Variants in GPR78 observed in about 807,000 individuals in gnomAD.
The protein encoded by GPR78 is G protein-coupled receptor 78.
In GPR78, 29 loss-of-function variants were observed where a neutral mutation model predicts 17.9. That is an observed-to-expected ratio of 1.62 (90% CI 1.20 to 2.21). The LOEUF is 2.21. GPR78 is among the 30% of genes most tolerant of loss of function. The probability of loss-of-function intolerance (pLI) is 0.00; values close to 1 mark genes in which losing one functional copy is unlikely to be tolerated. For synonymous variants in GPR78, 349 were observed against 256.9 expected (o/e 1.36, Z -3.43); for missense variants, 649 against 530.5 (o/e 1.22, Z -2.19).
chr4:8,585,456 T>C (rs73213329), intron 2 of GPR78, among the ~76,000 whole-genome samples: 12,378 of 152,192 alleles, frequency 0.081, 713 homozygotes, highest in Non-Finnish European at 0.12. Context: ...CTCAGATCCT[T>C]CGATAGGACC....
intron 2 of GPR78, among the ~76,000 whole-genome samples, chr4:8,584,820 G>A (rs1463475874): frequency 6.6e-6 from 1 of 152,226 alleles, no homozygotes; most frequent in African/African-American, 2.4e-5. Context: ...TGTTGTCCCT[G>A]CTGCCCCTTA....
chr4:8,580,779 G>A lies in GPR78; in HGVS notation c.-204G>A. ...GGCGGCCCCGGGCTGCTCCTGCTCC[G>A]CAGAGCTACGCCCTCCCCCCGGGTG... On this transcript the variant is annotated 5_prime_UTR_variant, in exon 1 of 3. Coordinates refer to ENST00000382487, the MANE Select transcript of GPR78 (RefSeq NM_080819.5). The A allele has an allele frequency of 3.4e-6, 2 of 592,144 alleles. No homozygotes were observed. The highest frequency in any genetic ancestry group is 5.8e-6 in the Non-Finnish European group (2 of 344,882). The allele number at this position is 592,144 out of a possible 1,614,324, so 36.7% of individuals were successfully genotyped here. A position where few individuals can be genotyped will look rare whatever the true frequency, so the allele number is the denominator to read the frequency against.
chr4:8,582,864 C>G (rs1476355347), intron 2 of GPR78: 1 of 525,690 alleles, frequency 1.9e-6, no homozygotes, highest in Non-Finnish European at 3.4e-6. Flanking sequence ...AATGAGGAGA[C>G]TCTCCTTGTC....
intron 2 of GPR78, 113 bp from the exon 3 acceptor site, chr4:8,586,941 G>A: frequency 1.1e-6 from 1 of 894,144 alleles, no homozygotes; most frequent in Non-Finnish European, 1.7e-6. Context: ...TGGCTAGTGA[G>A]CATCAGGGCT....
At chr4:8,583,584 G>T (rs866554316) in intron 2 of GPR78, among the ~76,000 whole-genome samples, 11 of 150,702 alleles carry the variant, frequency 7.3e-5, no homozygotes, top group Middle Eastern at 3.5e-3. Flanking sequence ...TCCTGGCTCT[G>T]TTTGTGTAGG....
chr4:8,581,279 GC>G lies in GPR78; in HGVS notation c.298del (p.Leu100Ter). 1 of 1,588,362 alleles carries G rather than the reference GC, an allele frequency of 6.3e-7. No individual in the cohort carries two copies. Among genetic ancestry groups the G allele is most frequent in the Non-Finnish European group, 8.5e-7 (1 of 1,173,118 alleles). On this transcript the variant is annotated frameshift_variant, in exon 1 of 3. Coordinates refer to ENST00000382487, the MANE Select transcript of GPR78 (RefSeq NM_080819.5). LOFTEE classifies it high-confidence loss of function. ...ASNAALSVAALSADQWLAVGF... is the reference protein window; with the variant it reads ...ASNAALSVAAXSADQWLAVGF... Reference sequence around the variant, plus strand: ...CCAACGCGGCGCTGAGCGTGGCGGCGCTGAGCGCAGACCAGTGGCTGGCAGT... The same window carrying G: ...CCAACGCGGCGCTGAGCGTGGCGGCGTGAGCGCAGACCAGTGGCTGGCAGT...
intron 2 of GPR78, among the ~76,000 whole-genome samples, chr4:8,585,977 A>T (rs1285072438): frequency 6.6e-6 from 1 of 152,202 alleles, no homozygotes; most frequent in East Asian, 1.9e-4. Context: ...TGGGACAGAA[A>T]TTCACTGCCT....
chr4:8,587,946 C>T lies in GPR78; in HGVS notation c.*583C>T, dbSNP rs1385606388. On this transcript the variant is annotated 3_prime_UTR_variant, in exon 3 of 3. Coordinates refer to ENST00000382487, the MANE Select transcript of GPR78 (RefSeq NM_080819.5). ...GCACGGGCAGTCCCTGGGACATGCCCATCTCTGGAAGCCTAGGGGTCCCCA... is the reference window on the plus strand; with the variant it reads ...GCACGGGCAGTCCCTGGGACATGCCTATCTCTGGAAGCCTAGGGGTCCCCA... Among the ~76,000 whole-genome samples, 1 of 152,206 alleles carries T rather than the reference C, an allele frequency of 6.6e-6. No individual in the cohort carries two copies. Among genetic ancestry groups the T allele is most frequent in the Admixed American group, 6.5e-5 (1 of 15,282 alleles).
At position 8,587,391 on chromosome 4, in the gene GPR78, C is replaced by T. The variant is rs1388456815; in HGVS notation, c.*28C>T. The stretch of plus-strand genomic sequence containing the variant: ...GCCTGGCAGGGCTCATCGCCCCCAC[C>T]TTCTAAGAAGCCCTGTGGAAAGGGC... On this transcript the variant is annotated 3_prime_UTR_variant, in exon 3 of 3. Transcript: ENST00000382487. 6.3e-7 allele frequency: 1 copy of T among 1,597,912 alleles called. No homozygotes were observed. The highest frequency in any genetic ancestry group is 1.3e-5 in the African/African-American group (1 of 74,686).
rs146339234 is a variant in GPR78 at position 8,583,954 on chromosome 4, C to T, written c.782+1310C>T. 2.0e-5 allele frequency among the ~76,000 whole-genome samples: 3 copies of T among 152,200 alleles called. No homozygotes were observed. The South Asian group carries it at 6.2e-4, about 32-fold the overall frequency. On this transcript the variant is annotated intron_variant, in intron 2 of 2. Transcript: ENST00000382487. The stretch of plus-strand genomic sequence containing the variant: ...TGGTTCTTAGGAAACTTCATGGGCA[C>T]AAGTGTGGATGGGGAAACTGTAGCA...
rs760525807 is a variant in GPR78 at position 8,581,329 on chromosome 4, G to A, written c.347G>A (p.Gly116Glu). ...GTGGGCTTCCCACTGCGCTACGCCG[G>A]ACGCCTGCGACCGCGCTATGCCGGC... Reference protein sequence around the residue: ...LAVGFPLRYAGRLRPRYAGLL... With the variant: ...LAVGFPLRYAERLRPRYAGLL... The change falls in exon 1 of 3, where the codon GGA (glycine) becomes GAA (glutamate). Residue 116 changes from glycine (G) to glutamate (E), a missense_variant. Coordinates refer to ENST00000382487, the MANE Select transcript of GPR78 (RefSeq NM_080819.5). 7 of 1,577,014 alleles carry A rather than the reference G, an allele frequency of 4.4e-6. No individual in the cohort carries two copies. In the South Asian group the frequency reaches 8.0e-5, roughly 18 times the overall value.
At position 8,588,893 on chromosome 4, in the gene GPR78, G is replaced by T. The variant is rs1290947679; in HGVS notation, c.*1530G>T. On this transcript the variant is annotated 3_prime_UTR_variant, in exon 3 of 3. Transcript: ENST00000382487. ...CTTTTAAAAAACTTTTTGAGACAGG[G>T]TCTGACTCTGTTGCCTAGGCTAGAG... Among the ~76,000 whole-genome samples, 2 of 152,156 alleles carry T rather than the reference G, an allele frequency of 1.3e-5. No homozygotes were observed. Among genetic ancestry groups the T allele is most frequent in the Non-Finnish European group, 2.9e-5 (2 of 68,036 alleles).
chr4:8,582,237 A>T (rs1713323906), intron 1 of GPR78, among the ~76,000 whole-genome samples: 1 of 152,008 alleles, frequency 6.6e-6, no homozygotes, highest in South Asian at 2.1e-4. Flanking sequence ...TGAGGGCCCC[A>T]GCCTTGCCCC....
At chr4:8,582,095 A>C (rs1378696507) in intron 1 of GPR78, among the ~76,000 whole-genome samples, 4 of 152,082 alleles carry the variant, frequency 2.6e-5, no homozygotes, top group South Asian at 2.1e-4. Context: ...TGTCTCCTGA[A>C]TCTCTAGCTG....
Position 8,587,403 on chromosome 4 carries a change from C to A in GPR78, c.*40C>A. The stretch of plus-strand genomic sequence containing the variant: ...TCATCGCCCCCACCTTCTAAGAAGC[C>A]CTGTGGAAAGGGCACTGGCCCTGCC... On this transcript the variant is annotated 3_prime_UTR_variant, in exon 3 of 3. Transcript: ENST00000382487. 1 of 1,587,142 alleles carries A rather than the reference C, an allele frequency of 6.3e-7. No homozygotes were observed. Among genetic ancestry groups the A allele is most frequent in the South Asian group, 1.1e-5 (1 of 87,228 alleles).
At chr4:8,586,966 A>G in intron 2 of GPR78, 88 bp from the exon 3 acceptor site, 1 of 1,185,410 alleles carries the variant, frequency 8.4e-7, no homozygotes, top group Non-Finnish European at 1.2e-6. Context: ...TACGTACTTG[A>G]GTATGGTTCT....
chr4:8,586,510 G>A (rs1713512510), intron 2 of GPR78, among the ~76,000 whole-genome samples: 1 of 152,172 alleles, frequency 6.6e-6, no homozygotes, highest in African/African-American at 2.4e-5. Flanking sequence ...ACTTGCTCAG[G>A]GTCTGTTCTG....
intron 1 of GPR78, 63 bp downstream of exon 1, chr4:8,581,713 G>T: frequency 1.6e-6 from 2 of 1,272,192 alleles, no homozygotes; most frequent in Non-Finnish European, 1.0e-6. Flanking sequence ...TGGGCAGTTG[G>T]CTTGAGGAGC....
Position 8,581,294 on chromosome 4 carries a change from G to C in GPR78, c.312G>C (p.Gln104His). ...ALSVAALSADQWLAVGFPLRY... is the reference protein window; with the variant it reads ...ALSVAALSADHWLAVGFPLRY... ...GCGTGGCGGCGCTGAGCGCAGACCAGTGGCTGGCAGTGGGCTTCCCACTGC... is the reference window on the plus strand; with the variant it reads ...GCGTGGCGGCGCTGAGCGCAGACCACTGGCTGGCAGTGGGCTTCCCACTGC... The change falls in exon 1 of 3, where the codon CAG becomes CAC. Residue 104 changes from glutamine (Q) to histidine (H), a missense_variant. Transcript: ENST00000382487. The C allele has an allele frequency of 6.3e-7, 1 of 1,585,582 alleles. No homozygotes were observed. Among genetic ancestry groups the C allele is most frequent in the Non-Finnish European group, 8.5e-7 (1 of 1,172,012 alleles).
Sources: allele counts gnomAD v4.1 joint callset (sites outside exome capture counted in the v4.1 genomes callset), GRCh38; gene constraint gnomAD v4.1.1; transcripts MANE v1.5; gene names NCBI Gene and HGNC (gene_info 2026-07-23, HGNC 2026-07-21).